The following GALNTL6 variants were observed in gnomAD, a reference collection of about 807,000 sequenced individuals.
GALNTL6 encodes polypeptide N-acetylgalactosaminyltransferase-like 6.
A neutral mutation model predicts 73.7 loss-of-function variants in GALNTL6; 46 were observed. The observed-to-expected ratio is 0.62, with a 90% CI of 0.49 to 0.80. The LOEUF (loss-of-function observed/expected upper bound fraction) is 0.80, where lower values mean the gene tolerates loss of function less well. Among genes scored for constraint, GALNTL6 ranks in the 30% least tolerant of loss-of-function variants. GALNTL6 has a pLI of 0.00. For synonymous variants in GALNTL6, 259 were observed against 263.7 expected, an observed-to-expected ratio of 0.98 and a Z score of 0.17; for missense variants, 604 against 755.0, an observed-to-expected ratio of 0.80 and a Z score of 2.34.
chr4:172,741,252 G>C (rs1736787842), intron 5 of GALNTL6, among the ~76,000 whole-genome samples: 1 of 152,054 alleles, frequency 6.6e-6, no homozygotes, highest in Non-Finnish European at 1.5e-5. Flanking sequence ...ATGCCACCTG[G>C]TGCTTTGGGT....
intron 2 of GALNTL6, among the ~76,000 whole-genome samples, chr4:172,046,187 G>T (rs1742215578): frequency 6.6e-6 from 1 of 152,024 alleles, no homozygotes; most frequent in African/African-American, 2.4e-5. Context: ...CAACTTGGCT[G>T]TTGTGGATGA....
intron 5 of GALNTL6, among the ~76,000 whole-genome samples, chr4:172,433,282 G>A (rs1253500927): frequency 6.6e-6 from 1 of 151,936 alleles, no homozygotes; most frequent in African/African-American, 2.4e-5. Context: ...TTTTTTAATG[G>A]AAAGAAAGCT....
intron 2 of GALNTL6, among the ~76,000 whole-genome samples, chr4:172,143,427 T>C (rs571073289): frequency 3.9e-4 from 59 of 152,196 alleles, no homozygotes; most frequent in African/African-American, 1.4e-3. Context: ...TTCATTATTT[T>C]CCCTAGTAGA....
chr4:172,576,201 T>A (rs908358841), intron 5 of GALNTL6, among the ~76,000 whole-genome samples: 1 of 152,172 alleles, frequency 6.6e-6, no homozygotes, highest in Admixed American at 6.6e-5. Context: ...CTAATGGCCA[T>A]GAGGCACGCT....
At chr4:172,079,296 T>A (rs997912717) in intron 2 of GALNTL6, among the ~76,000 whole-genome samples, 1 of 152,130 alleles carries the variant, frequency 6.6e-6, no homozygotes, top group African/African-American at 2.4e-5. Flanking sequence ...TAGATTTGGA[T>A]AATCATTTTA....
rs188307818 is a variant in GALNTL6 at position 172,208,012 on chromosome 4, C to T, written c.139-21644C>T. Among the ~76,000 whole-genome samples, 13 of 152,248 alleles carry T rather than the reference C, an allele frequency of 8.5e-5. No homozygotes were observed. In the East Asian group the frequency reaches 2.1e-3, roughly 25 times the overall value. On this transcript the variant is annotated intron_variant, in intron 2 of 12. Coordinates refer to ENST00000506823, the MANE Select transcript of GALNTL6 (RefSeq NM_001034845.3). ...CACTGTTTAAGTCAATGAAAGAAGA[C>T]GGAGTGAGGAACCGAGTATTAGTGG...
chr4:172,451,254 T>C (rs1296048423), intron 5 of GALNTL6, among the ~76,000 whole-genome samples: 1 of 152,228 alleles, frequency 6.6e-6, no homozygotes, highest in Non-Finnish European at 1.5e-5. Context: ...GCTTCACATA[T>C]AATAGGCAAA....
chr4:172,029,175 G>A (rs947107167), intron 2 of GALNTL6, among the ~76,000 whole-genome samples: 3 of 151,846 alleles, frequency 2.0e-5, no homozygotes, highest in Admixed American at 6.6e-5. Context: ...ATCTATATAA[G>A]GGAATCTATT....
At chr4:172,914,783 C>A (rs936099613) in intron 8 of GALNTL6, among the ~76,000 whole-genome samples, 2 of 152,080 alleles carry the variant, frequency 1.3e-5, no homozygotes, top group African/African-American at 4.8e-5. Flanking sequence ...GATATAGACC[C>A]CCAAGCAATA....
intron 7 of GALNTL6, among the ~76,000 whole-genome samples, chr4:172,851,774 T>A (rs1743833019): frequency 6.6e-6 from 1 of 152,162 alleles, no homozygotes; most frequent in South Asian, 2.1e-4. Flanking sequence ...TCACCCACAT[T>A]GGCATCCAAA....
At chr4:172,116,682 A>C (rs911687472) in intron 2 of GALNTL6, among the ~76,000 whole-genome samples, 3 of 152,198 alleles carry the variant, frequency 2.0e-5, no homozygotes, top group African/African-American at 7.2e-5. Flanking sequence ...GAAAATACAA[A>C]AATTATTCTG....
intron 2 of GALNTL6, among the ~76,000 whole-genome samples, chr4:172,063,564 A>G (rs567707206): frequency 6.6e-5 from 10 of 152,274 alleles, no homozygotes; most frequent in Non-Finnish European, 1.2e-4. Context: ...TTGCAATGAA[A>G]GAAAACACTC....
At chr4:171,935,958 T>C (rs1578986951) in intron 2 of GALNTL6, among the ~76,000 whole-genome samples, 1 of 152,124 alleles carries the variant, frequency 6.6e-6, no homozygotes, top group African/African-American at 2.4e-5. Flanking sequence ...ACACAGTAAG[T>C]GAAGCCATAC....
intron 5 of GALNTL6, among the ~76,000 whole-genome samples, chr4:172,521,458 A>T (rs1734770571): frequency 6.6e-6 from 1 of 152,202 alleles, no homozygotes; most frequent in African/African-American, 2.4e-5. Context: ...TATAACTAGC[A>T]TATTTTATAT....
intron 2 of GALNTL6, among the ~76,000 whole-genome samples, chr4:172,221,609 T>C (rs569886155): frequency 1.3e-5 from 2 of 151,884 alleles, no homozygotes; most frequent in South Asian, 4.1e-4. Flanking sequence ...GAGAATACTT[T>C]GAGAAAAAAA....
At chr4:171,991,270 G>A (rs1019740287) in intron 2 of GALNTL6, among the ~76,000 whole-genome samples, 18 of 152,072 alleles carry the variant, frequency 1.2e-4, no homozygotes, top group African/African-American at 4.3e-4. Context: ...ATTAAGGTGA[G>A]GTATGAATAG....
intron 5 of GALNTL6, among the ~76,000 whole-genome samples, chr4:172,396,513 G>A (rs565506398): frequency 6.6e-6 from 1 of 152,032 alleles, no homozygotes; most frequent in South Asian, 2.1e-4. Context: ...CCAAGTGAGG[G>A]GTTTCTGAAA....
intron 5 of GALNTL6, among the ~76,000 whole-genome samples, chr4:172,399,965 T>G (rs1028433604): frequency 2.0e-5 from 3 of 152,214 alleles, no homozygotes; most frequent in Non-Finnish European, 4.4e-5. Flanking sequence ...CTACGCCATT[T>G]GTTCTCAGAC....
At chr4:172,854,048 A>G (rs1579568689) in intron 7 of GALNTL6, among the ~76,000 whole-genome samples, 1 of 152,046 alleles carries the variant, frequency 6.6e-6, no homozygotes, top group Non-Finnish European at 1.5e-5. Context: ...TCCTTCCTAG[A>G]TGTATTCACT....
Sources: allele counts gnomAD v4.1 joint callset (sites outside exome capture counted in the v4.1 genomes callset), GRCh38; gene constraint gnomAD v4.1.1; transcripts MANE v1.5; gene names NCBI Gene and HGNC (gene_info 2026-07-23, HGNC 2026-07-21).